CYFIP2: variants seen among roughly 807,000 people sequenced by gnomAD.
The protein encoded by CYFIP2 is cytoplasmic FMR1 interacting protein 2, also known as cytoplasmic FMR1-interacting protein 2.
Under a neutral mutation model 158.7 loss-of-function variants are expected in CYFIP2, and 29 were observed. The observed-to-expected ratio is 0.18, with a 90% CI of 0.14 to 0.25. CYFIP2 has a LOEUF of 0.25. CYFIP2 is among the 10% of genes least tolerant of loss of function. The probability of loss-of-function intolerance (pLI) is 1.00; values close to 1 mark genes in which losing one functional copy is unlikely to be tolerated. For missense variants in CYFIP2, 852 were observed against 1,639.5 expected (o/e 0.52, Z 8.29); for synonymous variants, 585 against 617.6 (o/e 0.95, Z 0.78).
chr5:157,273,501 G>T (rs923009529), intron 1 of CYFIP2, among the ~76,000 whole-genome samples: 5 of 152,130 alleles, frequency 3.3e-5, no homozygotes, highest in African/African-American at 1.2e-4. Flanking sequence ...ACAGGCAGGG[G>T]CAGGGGGAGG....
At chr5:157,289,531 C>A (rs970339298) in intron 3 of CYFIP2, among the ~76,000 whole-genome samples, 6 of 152,150 alleles carry the variant, frequency 3.9e-5, no homozygotes, top group African/African-American at 1.4e-4. Context: ...TTCCTTGGCT[C>A]CCAGATGGCT....
rs759690452 is a variant in CYFIP2 at position 157,320,614 on chromosome 5, A to G, written c.1524-41A>G. 10 of 1,612,550 alleles carry G rather than the reference A, an allele frequency of 6.2e-6. No homozygotes were observed. In the Middle Eastern group the frequency reaches 4.9e-4, roughly 80 times the overall value. On this transcript the variant is annotated intron_variant, in intron 14 of 30. Transcript: ENST00000620254. ...CACAAGCTTGTAGTGACGTTTTCCCATGGTGAAACCTGGTCTAAGTCTTAG... is the reference window on the plus strand; with the variant it reads ...CACAAGCTTGTAGTGACGTTTTCCCGTGGTGAAACCTGGTCTAAGTCTTAG...
intron 20 of CYFIP2, among the ~76,000 whole-genome samples, chr5:157,331,194 G>A (rs1008467863): frequency 6.6e-6 from 1 of 151,970 alleles, no homozygotes; most frequent in Non-Finnish European, 1.5e-5. Context: ...GGGCCCAAGT[G>A]CCGGTCTAAG....
chr5:157,327,652 G>T (rs141443645), intron 18 of CYFIP2, among the ~76,000 whole-genome samples: 6 of 152,082 alleles, frequency 3.9e-5, no homozygotes, highest in African/African-American at 1.4e-4. Flanking sequence ...CCGAGTTAGC[G>T]GACGAATTTG....
At chr5:157,391,821 T>C (rs1767319692) in intron 30 of CYFIP2, among the ~76,000 whole-genome samples, 2 of 139,068 alleles carry the variant, frequency 1.4e-5, no homozygotes, top group South Asian at 2.3e-4. Context: ...CGTATGGTAA[T>C]TCTATGTTTA....
At position 157,333,305 on chromosome 5, in the gene CYFIP2, TTCTC is replaced by T. The variant is rs755708842; in HGVS notation, c.2266-12_2266-9del. Reference sequence around the variant, plus strand: ...GGCCAGTGTGAATTTTAAGTAACTTTTCTCTCTCTCTCTTCATCCAGCTGTTGGG... The same window carrying T: ...GGCCAGTGTGAATTTTAAGTAACTTTTCTCTCTCTTCATCCAGCTGTTGGG... On this transcript the variant is annotated intron_variant, in intron 20 of 30. Coordinates refer to ENST00000620254, the MANE Select transcript of CYFIP2 (RefSeq NM_001037333.3). 5.6e-6 allele frequency: 9 copies of T among 1,603,510 alleles called. No individual in the cohort carries two copies. Among genetic ancestry groups the T allele is most frequent in the African/African-American group, 2.7e-5 (2 of 74,728 alleles).
intron 30 of CYFIP2, among the ~76,000 whole-genome samples, chr5:157,392,605 G>C (rs57047471): frequency 0.32 from 47,740 of 151,224 alleles, 7,963 homozygotes; most frequent in East Asian, 0.67. Context: ...CAGTGCCACA[G>C]TGTTGTTGAT....
At chr5:157,382,685 G>C in intron 27 of CYFIP2, 23 bp downstream of exon 27, 1 of 1,611,358 alleles carries the variant, frequency 6.2e-7, no homozygotes, top group Non-Finnish European at 8.5e-7. Context: ...TACAGCAGCT[G>C]AATAGCCAAC....
intron 3 of CYFIP2, among the ~76,000 whole-genome samples, chr5:157,293,747 G>C (rs1369502276): frequency 6.6e-6 from 1 of 152,158 alleles, no homozygotes; most frequent in Non-Finnish European, 1.5e-5. Flanking sequence ...TGGTATTGCA[G>C]TAAAGAAAGA....
chr5:157,391,539 A>G (rs1248938915), intron 30 of CYFIP2, among the ~76,000 whole-genome samples: 2 of 152,134 alleles, frequency 1.3e-5, no homozygotes, highest in Non-Finnish European at 2.9e-5. Flanking sequence ...ATCACACAGT[A>G]TTTGTCTTTT....
chr5:157,315,378 G>C (rs2113071014), intron 13 of CYFIP2, among the ~76,000 whole-genome samples: 1 of 152,308 alleles, frequency 6.6e-6, no homozygotes, highest in South Asian at 2.1e-4. Context: ...GGCTACAAGA[G>C]GTATGAAAAA....
At position 157,394,622 on chromosome 5, in the gene CYFIP2, T is replaced by C. The variant is rs958730698; in HGVS notation, c.*1622T>C. On this transcript the variant is annotated 3_prime_UTR_variant, in exon 31 of 31. Coordinates refer to ENST00000620254, the MANE Select transcript of CYFIP2 (RefSeq NM_001037333.3). The stretch of plus-strand genomic sequence containing the variant: ...ATAGGGCCAGGAAATCTGCCCTTTC[T>C]ACAAACTACCCAAGTTGTTCTGTTG... The C allele has an allele frequency of 1.3e-5, 2 of 152,228 alleles. No homozygotes were observed. The highest frequency in any genetic ancestry group is 4.8e-5 in the African/African-American group (2 of 41,460). The allele number at this position is 152,228 out of a possible 1,614,324, so 9.4% of individuals were successfully genotyped here.
chr5:157,314,321 G>C, intron 11 of CYFIP2, 23 bp from the exon 12 acceptor site: 1 of 1,611,906 alleles, frequency 6.2e-7, no homozygotes, highest in Non-Finnish European at 8.5e-7. Flanking sequence ...TAGACCATGA[G>C]TATGACACCT....
In CYFIP2 at chr5:157,285,341, C is replaced by A. The variant is rs1021631734; in HGVS notation, c.-21C>A. 1.3e-6 allele frequency: 2 copies of A among 1,546,946 alleles called. No homozygotes were observed. Among genetic ancestry groups the A allele is most frequent in the South Asian group, 1.2e-5 (1 of 84,020 alleles). On this transcript the variant is annotated splice_region_variant and 5_prime_UTR_variant, in exon 2 of 31. Transcript: ENST00000620254. ...GACCTTCTCTTCCTTCCCTTCAGTG[C>A]AGAATACAGAAACTGCAGCCATGAC...
Position 157,339,164 on chromosome 5 carries a change from G to T in CYFIP2, c.2493G>T (p.Val831=), listed in dbSNP as rs1762070848. The T allele has an allele frequency of 6.2e-7, 1 of 1,614,026 alleles. No individual in the cohort carries two copies. The highest frequency in any genetic ancestry group is 8.5e-7 in the Non-Finnish European group (1 of 1,179,896). Residue 831 remains valine, a synonymous_variant, in exon 22 of 31, where the codon GTG becomes GTT. Transcript: ENST00000620254. ...TGTTCCGAGAGGCCAATCACAATGTGTCCGCCCCCTATGGCCGTATCACCC... is the reference window on the plus strand; with the variant it reads ...TGTTCCGAGAGGCCAATCACAATGTTTCCGCCCCCTATGGCCGTATCACCC... ...DAMFREANHN[V]SAPYGRITLH... is the part of the protein sequence containing the mutation.
intron 26 of CYFIP2, among the ~76,000 whole-genome samples, chr5:157,367,640 C>T (rs903135916): frequency 1.3e-5 from 2 of 151,810 alleles, no homozygotes; most frequent in Non-Finnish European, 2.9e-5. Flanking sequence ...CTTTTAATGT[C>T]TTTCCTCTAA....
chr5:157,389,530 G>A (rs1581211187), intron 29 of CYFIP2, 103 bp downstream of exon 29: 5 of 1,100,522 alleles, frequency 4.5e-6, no homozygotes, highest in Middle Eastern at 2.1e-4. Flanking sequence ...AGGGGGTGGG[G>A]GTGGTTGGCC....
intron 3 of CYFIP2, among the ~76,000 whole-genome samples, chr5:157,290,109 A>T (rs2113856474): frequency 6.6e-6 from 1 of 152,306 alleles, no homozygotes; most frequent in South Asian, 2.1e-4. Context: ...ACACCAACAG[A>T]GCAGTCGGAA....
At chr5:157,365,143 G>A (rs1764245714) in intron 26 of CYFIP2, 1 of 152,104 alleles carries the variant, frequency 6.6e-6, no homozygotes, top group Non-Finnish European at 1.5e-5. Flanking sequence ...AGGATTAGAG[G>A]TCAACAGGGA....
Sources: gnomAD v4.1 joint callset for allele counts (sites outside exome capture counted in the v4.1 genomes callset) on GRCh38, gnomAD v4.1.1 for gene constraint, MANE v1.5 for transcripts, NCBI Gene and HGNC (gene_info 2026-07-23, HGNC 2026-07-21) for gene names.